The following CENPP variants were observed in gnomAD, a reference collection of about 807,000 sequenced individuals.
The protein encoded by CENPP is centromere protein P.
In CENPP, 24 loss-of-function variants were observed where a neutral mutation model predicts 35.6. That is an observed-to-expected ratio of 0.67 (90% CI 0.49 to 0.95). CENPP has a LOEUF of 0.95. CENPP is among the 40% of genes least tolerant of loss of function. The probability of loss-of-function intolerance (pLI) is 0.00; values close to 1 mark genes in which losing one functional copy is unlikely to be tolerated. For missense variants in CENPP, 332 were observed against 345.3 expected (o/e 0.96, Z 0.31); for synonymous variants, 120 against 125.5 (o/e 0.96, Z 0.29).
intron 5 of CENPP, among the ~76,000 whole-genome samples, chr9:92,607,520 T>G (rs747773451): frequency 5.9e-5 from 9 of 152,222 alleles, no homozygotes; most frequent in Non-Finnish European, 1.0e-4. Flanking sequence ...GTGAATATAC[T>G]AGTACCCATT....
intron 4 of CENPP, among the ~76,000 whole-genome samples, chr9:92,371,610 AT>A (rs1380625206): frequency 1.3e-5 from 2 of 152,156 alleles, no homozygotes; most frequent in Non-Finnish European, 2.9e-5. Flanking sequence ...TGTTCTGTAA[AT>A]GTCTGTTAGG....
At chr9:92,450,178 C>T (rs922221387) in intron 5 of CENPP, among the ~76,000 whole-genome samples, 4 of 151,670 alleles carry the variant, frequency 2.6e-5, no homozygotes, top group African/African-American at 9.7e-5. Context: ...ATGTGCCATG[C>T]TGGTGTGCTG....
At position 92,466,302 on chromosome 9, in the gene CENPP, C is replaced by T; in HGVS notation, c.564+86443C>T. 7.8e-6 allele frequency: 9 copies of T among 1,157,690 alleles called. No homozygotes were observed. In the South Asian group the frequency reaches 1.1e-4, roughly 14 times the overall value. 71.7% of individuals were successfully genotyped at this position (1,157,690 alleles called of 1,614,324 possible). A position where few individuals can be genotyped will look rare whatever the true frequency, so the allele number is the denominator to read the frequency against. On this transcript the variant is annotated intron_variant, in intron 5 of 7. Coordinates refer to ENST00000375587, the MANE Select transcript of CENPP (RefSeq NM_001012267.3). ...TTCTTAATAGTGACGATAAAGTGTT[C>T]TACATCTGCTTGTTTGTTATAATTT...
chr9:92,513,189 T>A (rs1027715172), intron 5 of CENPP, among the ~76,000 whole-genome samples: 1 of 152,134 alleles, frequency 6.6e-6, no homozygotes, highest in African/African-American at 2.4e-5. Flanking sequence ...TCACACCTGG[T>A]CCTGCTGTTG....
In CENPP at chr9:92,613,072, AC is replaced by A. The variant is rs1261801065; in HGVS notation, c.793del (p.Leu265TrpfsTer2). On this transcript the variant is annotated frameshift_variant, in exon 8 of 8. Coordinates refer to ENST00000375587, the MANE Select transcript of CENPP (RefSeq NM_001012267.3). LOFTEE classifies it low-confidence loss of function (END_TRUNC). ...AGAAACTGCTCCTCTCAGCTTCCGA[AC>A]CCTGGTAGGACTGCTTGGAATCGAA... ...AIETAPLSFR[T>X]LVGLLGIEAA... The A allele has an allele frequency of 6.2e-7, 1 of 1,614,144 alleles. No individual in the cohort carries two copies. The highest frequency in any genetic ancestry group is 1.7e-5 in the Admixed American group (1 of 60,026).
At position 92,556,534 on chromosome 9, in the gene CENPP, T is replaced by G. The variant is rs551250891; in HGVS notation, c.565-54780T>G. Among the ~76,000 whole-genome samples the G allele has an allele frequency of 5.3e-5, 8 of 152,328 alleles. No homozygotes were observed. In the East Asian group the frequency reaches 1.5e-3, roughly 29 times the overall value. ...AGCACCAGTGTTAGGTGCAAATATG[T>G]TTAGAATTGTGATATTTTCCTGTTG... On this transcript the variant is annotated intron_variant, in intron 5 of 7. Coordinates refer to ENST00000375587, the MANE Select transcript of CENPP (RefSeq NM_001012267.3).
At chr9:92,357,651 C>T (rs546835287) in intron 4 of CENPP, among the ~76,000 whole-genome samples, 2 of 152,080 alleles carry the variant, frequency 1.3e-5, no homozygotes, top group Admixed American at 6.5e-5. Context: ...TGCGCCACCA[C>T]TCCTGGCTCA....
In CENPP at chr9:92,361,128, C is replaced by CTTTATTTATTTATTTATTTA. The variant is rs536927713; in HGVS notation, c.467+15352_467+15371dup. Among the ~76,000 whole-genome samples the CTTTATTTATTTATTTATTTA allele has an allele frequency of 2.7e-3, 410 of 150,582 alleles. 3 individuals are homozygous for CTTTATTTATTTATTTATTTA. Among genetic ancestry groups the CTTTATTTATTTATTTATTTA allele is most frequent in the Non-Finnish European group, 4.3e-3 (292 of 67,528 alleles). On this transcript the variant is annotated intron_variant, in intron 4 of 7. Transcript: ENST00000375587. ...TTAAGTGTGTATTTTTATTATTTTA[C>CTTTATTTATTTATTTATTTA]TTTATTTATTTATTTATTTATTTAT... is the stretch of plus-strand genomic sequence containing the variant.
At chr9:92,370,407 T>C (rs1015227401) in intron 4 of CENPP, among the ~76,000 whole-genome samples, 1 of 152,204 alleles carries the variant, frequency 6.6e-6, no homozygotes, top group African/African-American at 2.4e-5. Flanking sequence ...TTAGTTCTTC[T>C]ATGTATGTTT....
chr9:92,519,382 G>A (rs992907951), intron 5 of CENPP, among the ~76,000 whole-genome samples: 8 of 152,080 alleles, frequency 5.3e-5, no homozygotes, highest in African/African-American at 1.9e-4. Flanking sequence ...AAAGAACAAA[G>A]TTGGAGATCT....
chr9:92,326,175 C>A, intron 1 of CENPP, 70 bp downstream of exon 1: 1 of 987,142 alleles, frequency 1.0e-6, no homozygotes, highest in Non-Finnish European at 1.5e-6. Context: ...TGAATCTCCA[C>A]AGACATCCTC....
In CENPP at chr9:92,619,696, G is replaced by A; in HGVS notation, c.*6547G>A. On this transcript the variant is annotated 3_prime_UTR_variant, in exon 8 of 8. Coordinates refer to ENST00000375587, the MANE Select transcript of CENPP (RefSeq NM_001012267.3). ...AACCTGAGGGTGGGATTAGGAGCGA[G>A]GGCCACGGTGAGCACGGGCGTCAGG... is the stretch of plus-strand genomic sequence containing the variant. 3.7e-6 allele frequency: 3 copies of A among 811,576 alleles called. No individual in the cohort carries two copies. Among genetic ancestry groups the A allele is most frequent in the Non-Finnish European group, 6.0e-6 (3 of 497,122 alleles). 50.3% of individuals were successfully genotyped at this position (811,576 alleles called of 1,614,324 possible).
intron 5 of CENPP, among the ~76,000 whole-genome samples, chr9:92,534,583 T>C (rs1849053079): frequency 2.0e-5 from 3 of 152,234 alleles, no homozygotes; most frequent in Admixed American, 2.0e-4. Context: ...CTTTTTGCAA[T>C]CTACTTTAGT....
intron 4 of CENPP, among the ~76,000 whole-genome samples, chr9:92,359,392 TTTTA>T (rs1272391506): frequency 2.0e-5 from 3 of 152,120 alleles, no homozygotes; most frequent in East Asian, 1.9e-4. Context: ...TTATTATTTA[TTTTA>T]TTTATTTATT....
chr9:92,510,146 G>C, intron 5 of CENPP: 1 of 1,247,088 alleles, frequency 8.0e-7, no homozygotes, highest in Non-Finnish European at 1.1e-6. Flanking sequence ...CTTAGGCTTA[G>C]ACAGTAATGT....
intron 5 of CENPP, chr9:92,417,634 GTATA>G (rs1424913071): frequency 1.2e-6 from 1 of 852,056 alleles, no homozygotes; most frequent in East Asian, 2.6e-5. Context: ...AATACGCTTT[GTATA>G]AATTCTCAGT....
rs1295428732 is a variant in CENPP at position 92,379,860 on chromosome 9, G to T, written c.564+1G>T. ...TAAGCGCACGTTTAAACATCTCAAG[G>T]TAAAGTCTGAAGTCTTTGAATTTAA... On this transcript the variant is annotated splice_donor_variant, in intron 5 of 7. Transcript: ENST00000375587. LOFTEE classifies it high-confidence loss of function. 1.3e-6 allele frequency: 2 copies of T among 1,592,246 alleles called. No individual in the cohort carries two copies. The highest frequency in any genetic ancestry group is 1.7e-6 in the Non-Finnish European group (2 of 1,160,424).
chr9:92,579,326 A>G (rs1476953032), intron 5 of CENPP, among the ~76,000 whole-genome samples: 7 of 148,844 alleles, frequency 4.7e-5, no homozygotes, highest in Non-Finnish European at 7.5e-5. Flanking sequence ...AGTTTTTTCC[A>G]ATTCTGTGAA....
At chr9:92,510,731 A>G (rs715846) in intron 5 of CENPP, among the ~76,000 whole-genome samples, 8,826 of 152,300 alleles carry the variant, frequency 0.058, 920 homozygotes, top group East Asian at 0.44. Flanking sequence ...TCAAATTTCA[A>G]CAGTTTCGGA....
Sources: allele counts gnomAD v4.1 joint callset (sites outside exome capture counted in the v4.1 genomes callset), GRCh38; gene constraint gnomAD v4.1.1; transcripts MANE v1.5; gene names NCBI Gene and HGNC (gene_info 2026-07-23, HGNC 2026-07-21).